Variants in FCRLB observed in about 807,000 individuals in gnomAD.
FCRLB encodes Fc receptor like B, also known as Fc receptor-like B.
FCRLB carries 34 observed loss-of-function variants against 33.6 expected under a neutral mutation model. The ratio of observed to expected loss-of-function variants is 1.01; its 90% CI spans 0.77 to 1.35. FCRLB has a LOEUF of 1.35. Ranked by LOEUF, FCRLB falls within the 40% of genes most tolerant of loss-of-function variation. The pLI is 0.00. For missense variants in FCRLB, 560 were observed against 580.2 expected (o/e 0.97, Z 0.36); for synonymous variants, 280 against 255.9 (o/e 1.09, Z -0.90).
intron 5 of FCRLB, among the ~76,000 whole-genome samples, chr1:161,723,962 G>A (rs1160152696): frequency 6.6e-6 from 1 of 152,168 alleles, no homozygotes; most frequent in African/African-American, 2.4e-5. Context: ...GAGCAGTAAA[G>A]GAAATTCACC....
chr1:161,727,275 C>G (rs1196175931), exon 8 of FCRLB: 2 of 1,609,986 alleles, frequency 1.2e-6, no homozygotes, highest in South Asian at 2.2e-5. Flanking sequence ...CCTCCACCAC[C>G]GCCCCAGCTC....
exon 8 of FCRLB, chr1:161,727,792 AAGTGT>A (rs1683652482): frequency 8.6e-7 from 1 of 1,165,308 alleles, no homozygotes; most frequent in African/African-American, 1.6e-5. Context: ...AGCGCCCACG[AAGTGT>A]AGTGGCTGAC....
Position 161,727,353 on chromosome 1 carries a change from G to C in FCRLB, c.972G>C (p.Ser324=), listed in dbSNP as rs922740553. ...TCAGAAAGCCCCCGGTGTCCAGATC[G>C]GTCCCGTTGGTCACCTCCGTCCGGA... Residue 324 remains serine (S), a synonymous_variant, in exon 8 of 8, where the codon TCG becomes TCC. Transcript: ENST00000367948. The C allele has an allele frequency of 8.7e-6, 14 of 1,613,598 alleles. No individual in the cohort carries two copies. The Admixed American group carries it at 1.0e-4, about 12-fold the overall frequency.
Position 161,726,575 on chromosome 1 carries a change from G to A in FCRLB, c.575-128G>A, listed in dbSNP as rs779037303. The A allele has an allele frequency of 3.5e-4, 461 of 1,301,104 alleles. 2 individuals are homozygous for A. Among genetic ancestry groups the A allele is most frequent in the Non-Finnish European group, 4.6e-4 (433 of 933,242 alleles). The allele number at this position is 1,301,104 out of a possible 1,614,324, so 80.6% of individuals were successfully genotyped here. A position where few individuals can be genotyped will look rare whatever the true frequency, so the allele number is the denominator to read the frequency against. On this transcript the variant is annotated intron_variant, in intron 6 of 7. Coordinates refer to ENST00000367948, the Ensembl canonical transcript of FCRLB. This position sits in a 1 kb window ranked among gnomAD's most constrained non-coding sequence, Gnocchi z 5.2. ...GAAGGCTCCCCTTCCCCCTCCACGT[G>A]GACACACGGCCTCCTCCCCTCCCCC...
At chr1:161,727,492 G>A in exon 8 of FCRLB, 1 of 1,614,192 alleles carries the variant, frequency 6.2e-7, no homozygotes, top group Non-Finnish European at 8.5e-7. Context: ...GAAACCCGAC[G>A]TGGACCTTCT....
intron 7 of FCRLB, 125 bp from the exon 8 acceptor site, chr1:161,727,122 C>A (rs1462129843): frequency 7.6e-7 from 1 of 1,316,684 alleles, no homozygotes; most frequent in Non-Finnish European, 9.9e-7. Context: ...CTCCCCTTCG[C>A]CGCCCTCCTC....
At chr1:161,723,787 C>T (rs111835451) in intron 5 of FCRLB, among the ~76,000 whole-genome samples, 166 bp downstream of exon 5, 53 of 152,294 alleles carry the variant, frequency 3.5e-4, no homozygotes, top group Non-Finnish European at 6.2e-4. Context: ...CGGCACTATG[C>T]GAGAGATGCA....
In FCRLB at chr1:161,727,401, G is replaced by T. The variant is rs200652437; in HGVS notation, c.1020G>T (p.Gln340His). 4.5e-5 allele frequency: 73 copies of T among 1,613,386 alleles called. No individual in the cohort carries two copies. Among genetic ancestry groups the T allele is most frequent in the Non-Finnish European group, 5.8e-5 (69 of 1,179,684 alleles). The change falls in exon 8 of 8, where the codon CAG (glutamine) becomes CAT (histidine). Residue 340 changes from glutamine to histidine, a missense_variant. Physicochemically the swap from Gln to His is conservative, Grantham distance 24. Coordinates refer to ENST00000367948, the Ensembl canonical transcript of FCRLB. ...GGAACACCACCTCCACCGGGCTGCA[G>T]TTCCCGGCGAGCGGCGCCCCGACTG...
chr1:161,726,127 C>A lies in FCRLB; in HGVS notation c.574+40C>A, dbSNP rs879798512. On this transcript the variant is annotated intron_variant, in intron 6 of 7. Coordinates refer to ENST00000367948, the Ensembl canonical transcript of FCRLB. The surrounding 1 kb of genome is among the most constrained non-coding windows in gnomAD (Gnocchi z 5.2). ...GGGCCCCGGGAGGGAGGCAAATGAG[C>A]ATTGAGAAATTCTGGGACAGGAGCT... 5.6e-6 allele frequency: 9 copies of A among 1,608,520 alleles called. No homozygotes were observed. The highest frequency in any genetic ancestry group is 1.7e-4 in the Middle Eastern group (1 of 6,056).
rs773878416 is a variant in FCRLB, at chr1:161,726,120, A to C, written c.574+33A>C. On this transcript the variant is annotated intron_variant, in intron 6 of 7. Transcript: ENST00000367948. This position sits in a 1 kb window ranked among gnomAD's most constrained non-coding sequence, Gnocchi z 5.2. ...AGACCAGGGGCCCCGGGAGGGAGGC[A>C]AATGAGCATTGAGAAATTCTGGGAC... 44 of 1,607,740 alleles carry C rather than the reference A, an allele frequency of 2.7e-5. No individual in the cohort carries two copies. The highest frequency in any genetic ancestry group is 3.1e-5 in the Non-Finnish European group (37 of 1,175,546).
At chr1:161,727,680 C>T (rs1045439186) in exon 8 of FCRLB, 3 of 1,570,376 alleles carry the variant, frequency 1.9e-6, no homozygotes, top group East Asian at 2.3e-5. Context: ...GCTACCGTCC[C>T]CTCTGCAGGC....
At chr1:161,722,295 G>A (rs1244634172) in intron 2 of FCRLB, among the ~76,000 whole-genome samples, 1 of 152,244 alleles carries the variant, frequency 6.6e-6, no homozygotes, top group African/African-American at 2.4e-5. Context: ...GTGGAGAAGG[G>A]ATGGGATGGG....
chr1:161,726,270 G>C lies in FCRLB; in HGVS notation c.574+183G>C, dbSNP rs1171757154. 16 of 1,075,928 alleles carry C rather than the reference G, an allele frequency of 1.5e-5. No homozygotes were observed. Among genetic ancestry groups the C allele is most frequent in the Non-Finnish European group, 2.2e-5 (16 of 726,502 alleles). The allele number at this position is 1,075,928 out of a possible 1,614,324, so 66.6% of individuals were successfully genotyped here. On this transcript the variant is annotated intron_variant, in intron 6 of 7. Coordinates refer to ENST00000367948, the Ensembl canonical transcript of FCRLB. The surrounding 1 kb of genome is among the most constrained non-coding windows in gnomAD (Gnocchi z 5.2). ...GCAGCGCTTGATCCGCCGCCTGCTTGGAGGCTGGTCCCTTTCCCCGACGCA... is the reference window on the plus strand; with the variant it reads ...GCAGCGCTTGATCCGCCGCCTGCTTCGAGGCTGGTCCCTTTCCCCGACGCA...
rs565158426 is a variant in FCRLB at position 161,723,229 on chromosome 1, G to T, written c.53-138G>T. 4.7e-5 allele frequency: 53 copies of T among 1,136,506 alleles called. No homozygotes were observed. The East Asian group carries it at 6.3e-4, about 14-fold the overall frequency. The allele number at this position is 1,136,506 out of a possible 1,614,324, so 70.4% of individuals were successfully genotyped here. On this transcript the variant is annotated intron_variant, in intron 4 of 7. Transcript: ENST00000367948. The stretch of plus-strand genomic sequence containing the variant: ...CCCAATGAATGTGATCTCCTCTCCT[G>T]CAGGGATGGGTTAGTACATGGGCTG...
At chr1:161,722,890 G>C in intron 3 of FCRLB, 99 bp from the exon 4 acceptor site, 1 of 1,565,808 alleles carries the variant, frequency 6.4e-7, no homozygotes, top group Non-Finnish European at 8.8e-7. Flanking sequence ...AGAAAAACAG[G>C]TTTTGGGACC....
chr1:161,725,209 G>A (rs947814982), intron 5 of FCRLB, among the ~76,000 whole-genome samples: 5 of 152,184 alleles, frequency 3.3e-5, no homozygotes, highest in African/African-American at 1.2e-4. Flanking sequence ...TTTGAGGGTG[G>A]AGCCAAGTCT....
Position 161,727,606 on chromosome 1 carries a change from A to C in FCRLB, c.1225A>C (p.Thr409Pro), listed in dbSNP as rs758191900. The change falls in exon 8 of 8, where the codon ACC (threonine) becomes CCC (proline). Residue 409 changes from threonine to proline, a missense_variant. By Grantham distance (38) the Thr-to-Pro change is conservative. Coordinates refer to ENST00000367948, the Ensembl canonical transcript of FCRLB. ...GCTCAGGGGAACGCCCGAGACCCCCACCTCTCACTTTGCTGTGAGCCCGGG... is the reference window on the plus strand; with the variant it reads ...GCTCAGGGGAACGCCCGAGACCCCCCCCTCTCACTTTGCTGTGAGCCCGGG... The C allele has an allele frequency of 1.9e-6, 3 of 1,613,862 alleles. No homozygotes were observed. Among genetic ancestry groups the C allele is most frequent in the Non-Finnish European group, 2.5e-6 (3 of 1,179,924 alleles).
rs747625570 is a variant in FCRLB at position 161,723,327 on chromosome 1, C to G, written c.53-40C>G. 7.5e-6 allele frequency: 12 copies of G among 1,603,230 alleles called. No individual in the cohort carries two copies. In the African/African-American group the frequency reaches 1.3e-4, roughly 18 times the overall value. On this transcript the variant is annotated intron_variant, in intron 4 of 7. Transcript: ENST00000367948. ...TCTTTGGGCACCTCACCTTGATTCT[C>G]TTTGCATGCTGCCCCCTCTCACCCC...
chr1:161,727,413 C>T, exon 8 of FCRLB: 1 of 1,613,072 alleles, frequency 6.2e-7, no homozygotes. Context: ...TCCCGGCGAG[C>T]GGCGCCCCGA....
Sources: gnomAD v4.1 joint callset for allele counts (sites outside exome capture counted in the v4.1 genomes callset) on GRCh38, gnomAD v4.1.1 for gene constraint, Gnocchi (gnomAD v3.1) non-coding constraint, MANE v1.5 for transcripts, NCBI Gene and HGNC (gene_info 2026-07-23, HGNC 2026-07-21) for gene names.